Variants in DQX1 observed in about 807,000 individuals in gnomAD.
DQX1 encodes the protein ATP-dependent RNA helicase homolog DQX1.
A neutral mutation model predicts 81.3 loss-of-function variants in DQX1; 66 were observed. That is an observed-to-expected ratio of 0.81 (90% CI 0.67 to 1.00). The LOEUF (loss-of-function observed/expected upper bound fraction) is 1.00. DQX1 is among the 50% of genes least tolerant of loss of function. The pLI is 0.00. For missense variants in DQX1, 798 were observed against 867.9 expected, an observed-to-expected ratio of 0.92 and a Z score of 1.01; for synonymous variants, 290 against 350.0, an observed-to-expected ratio of 0.83 and a Z score of 1.91.
At chr2:74,524,624 C>A (rs1675124209) in intron 3 of DQX1, among the ~76,000 whole-genome samples, 1 of 152,092 alleles carries the variant, frequency 6.6e-6, no homozygotes, top group Non-Finnish European at 1.5e-5. Context: ...TGGGGCCAGG[C>A]ACGGTGGCTC....
chr2:74,523,394 A>G lies in DQX1; in HGVS notation c.960T>C (p.Val320=). The G allele has an allele frequency of 6.2e-7, 1 of 1,614,154 alleles. No individual in the cohort carries two copies. Among genetic ancestry groups the G allele is most frequent in the Non-Finnish European group, 8.5e-7 (1 of 1,180,008 alleles). The change falls in exon 5 of 12, where the codon GTT becomes GTC. Residue 320 remains valine (V), a synonymous_variant. Transcript: ENST00000404568. ...AGTCAGCCAGCCAGTGAGTGACCAC[A>G]ACCTTTCGGGCATCCATGTCCTCAT... ...AVYEDMDARK[V]VVTHWLADFS...
chr2:74,525,969 T>C lies in DQX1; in HGVS notation c.-20+167A>G, dbSNP rs1042512214. On this transcript the variant is annotated intron_variant, in intron 1 of 11. Coordinates refer to ENST00000404568, the MANE Select transcript of DQX1 (RefSeq NM_133637.3). This position sits in a 1 kb window ranked among gnomAD's most constrained non-coding sequence, Gnocchi z 4.1. ...GGTAGTAGAAATCTACCTGAGACTA[T>C]TACCCCGTTGGCAGGTAGTAGAAAT... Among the ~76,000 whole-genome samples the C allele has an allele frequency of 6.6e-6, 1 of 152,206 alleles. No homozygotes were observed. The highest frequency in any genetic ancestry group is 6.5e-5 in the Admixed American group (1 of 15,282).
In DQX1 at chr2:74,523,122, G is replaced by A. The variant is rs1342151830; in HGVS notation, c.1141C>T (p.Pro381Ser). The A allele has an allele frequency of 1.2e-6, 2 of 1,614,180 alleles. No individual in the cohort carries two copies. The highest frequency in any genetic ancestry group is 1.3e-5 in the African/African-American group (1 of 75,020). ...CAGTGAGGGCAAAGGCTCTTACCTGGTGGGAACCCTCTTGCTCGCAATCGT... is the reference window on the plus strand; with the variant it reads ...CAGTGAGGGCAAAGGCTCTTACCTGATGGGAACCCTCTTGCTCGCAATCGT... ...ARRLRARGFPPGSCLCLYPKS... is the reference protein window; with the variant it reads ...ARRLRARGFPSGSCLCLYPKS... The change falls in exon 6 of 12, where the codon CCA becomes TCA. Residue 381 changes from proline (P) to serine (S), a missense_variant. By Grantham distance (74) the Pro-to-Ser change is moderately conservative. Transcript: ENST00000404568.
intron 8 of DQX1, 132 bp from the exon 9 acceptor site, chr2:74,520,166 G>C: frequency 1.7e-6 from 2 of 1,189,574 alleles, no homozygotes; most frequent in Non-Finnish European, 2.3e-6. Context: ...TAACTTCTAG[G>C]TGCTATGCAC....
At position 74,519,421 on chromosome 2, in the gene DQX1, A is replaced by T. The variant is rs753826005; in HGVS notation, c.1806+135T>A. On this transcript the variant is annotated intron_variant, in intron 10 of 11. Transcript: ENST00000404568. ...TAGCCCCTTGTACCTCAAATCCTCA[A>T]GGGAAAAGTCCTTTCTGGTTCTAAA... 11 of 1,369,522 alleles carry T rather than the reference A, an allele frequency of 8.0e-6. No homozygotes were observed. The South Asian group carries it at 9.8e-5, about 12-fold the overall frequency. The allele number at this position is 1,369,522 out of a possible 1,614,324, so 84.8% of individuals were successfully genotyped here.
At position 74,518,363 on chromosome 2, in the gene DQX1, ATCTG is replaced by A; in HGVS notation, c.*79_*82del. The A allele has an allele frequency of 2.0e-6, 3 of 1,528,482 alleles. No homozygotes were observed. The highest frequency in any genetic ancestry group is 2.7e-6 in the Non-Finnish European group (3 of 1,130,690). 94.7% of individuals were successfully genotyped at this position (1,528,482 alleles called of 1,614,324 possible). On this transcript the variant is annotated 3_prime_UTR_variant, in exon 12 of 12. Coordinates refer to ENST00000404568, the MANE Select transcript of DQX1 (RefSeq NM_133637.3). Reference sequence around the variant, plus strand: ...TTGACCCTAAACTTTGGGCTTCTAAATCTGTCTGGGTGCTTTGGTGTCACCCTGA... The same window carrying A: ...TTGACCCTAAACTTTGGGCTTCTAAATCTGGGTGCTTTGGTGTCACCCTGA...
At position 74,522,618 on chromosome 2, in the gene DQX1, C is replaced by A. The variant is rs775119134; in HGVS notation, c.1457G>T (p.Cys486Phe). The change falls in exon 8 of 12, where the codon TGT (cysteine) becomes TTT (phenylalanine). Residue 486 changes from cysteine (C) to phenylalanine (F), a missense_variant. Physicochemically the swap from Cys to Phe is radical, Grantham distance 205 (BLOSUM62 -2). Coordinates refer to ENST00000404568, the MANE Select transcript of DQX1 (RefSeq NM_133637.3). ...KALLASCEFD[C>F]VDEMLTLAAM... ...AGCCAGGGTGAGCATCTCGTCCACA[C>A]AGTCAAACTCGCATGAGGCCAGCAG... 2 of 1,614,128 alleles carry A rather than the reference C, an allele frequency of 1.2e-6. No individual in the cohort carries two copies. The highest frequency in any genetic ancestry group is 4.5e-5 in the East Asian group (2 of 44,890).
Position 74,525,772 on chromosome 2 carries a change from A to G in DQX1, c.-19-24T>C, listed in dbSNP as rs370057948. On this transcript the variant is annotated intron_variant, in intron 1 of 11. Coordinates refer to ENST00000404568, the MANE Select transcript of DQX1 (RefSeq NM_133637.3). This position sits in a 1 kb window ranked among gnomAD's most constrained non-coding sequence, Gnocchi z 4.1. ...ACCTGCAGAAGGCAGAGCAGCCAGT[A>G]AGGTCATATTTGGTGACCGACACCA... 4.0e-6 allele frequency: 6 copies of G among 1,516,320 alleles called. No individual in the cohort carries two copies. Among genetic ancestry groups the G allele is most frequent in the African/African-American group, 2.8e-5 (2 of 72,264 alleles). 93.9% of individuals were successfully genotyped at this position (1,516,320 alleles called of 1,614,324 possible). A position where few individuals can be genotyped will look rare whatever the true frequency, so the allele number is the denominator to read the frequency against.
In DQX1 at chr2:74,518,407, T is replaced by G. The variant is rs772070802; in HGVS notation, c.*39A>C. On this transcript the variant is annotated 3_prime_UTR_variant, in exon 12 of 12. Coordinates refer to ENST00000404568, the MANE Select transcript of DQX1 (RefSeq NM_133637.3). The stretch of plus-strand genomic sequence containing the variant: ...TGTCACCCTGAGGGATAATCTAATG[T>G]GATGAGATGAACCCAGCTCCATTCC... 1 of 1,607,792 alleles carries G rather than the reference T, an allele frequency of 6.2e-7. No homozygotes were observed.
chr2:74,522,794 A>G (rs550290623), intron 7 of DQX1, 23 bp from the exon 8 acceptor site: 24 of 1,613,264 alleles, frequency 1.5e-5, no homozygotes, highest in African/African-American at 1.5e-4. Flanking sequence ...CAGGGCTTAC[A>G]GGATATGAAG....
intron 11 of DQX1, 66 bp downstream of exon 11, chr2:74,518,973 TC>T: frequency 7.0e-7 from 1 of 1,422,570 alleles, no homozygotes; most frequent in East Asian, 2.3e-5. Context: ...TCTCTCTAAC[TC>T]CCCAGCCATA....
rs369867462 is a variant in DQX1 at position 74,524,229 on chromosome 2, A to C, written c.510T>G (p.Asp170Glu). 12 of 1,613,974 alleles carry C rather than the reference A, an allele frequency of 7.4e-6. No homozygotes were observed. The highest frequency in any genetic ancestry group is 1.0e-5 in the Non-Finnish European group (12 of 1,179,980). ...ATGCCACCGACCGCTCCTGAGCCTCATCTAGTACCAGCACGCCCCAGGCTC... is the reference window on the plus strand; with the variant it reads ...ATGCCACCGACCGCTCCTGAGCCTCCTCTAGTACCAGCACGCCCCAGGCTC... Reference protein sequence around the residue: ...GTGAWGVLVLDEAQERSVASD... With the variant: ...GTGAWGVLVLEEAQERSVASD... The change falls in exon 4 of 12, where the codon GAT becomes GAG. Residue 170 changes from aspartate (D) to glutamate (E), a missense_variant. Transcript: ENST00000404568.
rs76949929 is a variant in DQX1 at position 74,522,427 on chromosome 2, A to G, written c.1495+153T>C. Among the ~76,000 whole-genome samples the G allele has an allele frequency of 4.9e-3, 747 of 152,308 alleles. 6 individuals carry two copies. The highest frequency in any genetic ancestry group is 0.01 in the Middle Eastern group (3 of 294). On this transcript the variant is annotated intron_variant, in intron 8 of 11. Coordinates refer to ENST00000404568, the MANE Select transcript of DQX1 (RefSeq NM_133637.3). ...GCAGAGAAAAAAGGCTAAAGAGACA[A>G]GAGGGAGATGGGTGACTAAGCCTGG... is the stretch of plus-strand genomic sequence containing the variant.
chr2:74,519,981 G>A lies in DQX1; in HGVS notation c.1549C>T (p.Arg517Trp), dbSNP rs757198790. ...PLSAEEAALR[R>W]ALEHTDGDHS... ...TCACCATCCGTGTGTTCCAGGGCCCGACGCAGGGCAGCTTCTTCTGCACTG... is the reference window on the plus strand; with the variant it reads ...TCACCATCCGTGTGTTCCAGGGCCCAACGCAGGGCAGCTTCTTCTGCACTG... Residue 517 changes from arginine (R) to tryptophan (W), a missense_variant, in exon 9 of 12, where the codon CGG becomes TGG. Physicochemically the swap from Arg to Trp is moderately radical, Grantham distance 101. Coordinates refer to ENST00000404568, the MANE Select transcript of DQX1 (RefSeq NM_133637.3). 4 of 1,614,190 alleles carry A rather than the reference G, an allele frequency of 2.5e-6. No individual in the cohort carries two copies. The South Asian group carries it at 3.3e-5, about 13-fold the overall frequency.
intron 8 of DQX1, among the ~76,000 whole-genome samples, 195 bp from the exon 9 acceptor site, chr2:74,520,229 G>A (rs894501331): frequency 3.9e-5 from 6 of 152,222 alleles, no homozygotes; most frequent in African/African-American, 1.4e-4. Flanking sequence ...CCATCAAGGA[G>A]CTTCAAGTCT....
chr2:74,519,487 G>C, intron 10 of DQX1, 69 bp downstream of exon 10: 3 of 1,560,406 alleles, frequency 1.9e-6, no homozygotes, highest in Non-Finnish European at 2.6e-6. Flanking sequence ...TTTCAAAGTG[G>C]CTTACCAATA....
At position 74,525,006 on chromosome 2, in the gene DQX1, C is replaced by T; in HGVS notation, c.431+3G>A. The T allele has an allele frequency of 6.2e-7, 1 of 1,612,224 alleles. No individual in the cohort carries two copies. Among genetic ancestry groups the T allele is most frequent in the Non-Finnish European group, 8.5e-7 (1 of 1,178,804 alleles). On this transcript the variant is annotated splice_donor_region_variant and intron_variant, in intron 3 of 11. Transcript: ENST00000404568. The surrounding 1 kb of genome is among the most constrained non-coding windows in gnomAD (Gnocchi z 4.1). ...TTCGGGTAAGGCCTGCAGAGGCCCC[C>T]ACCTGAGCAGGGTGTTGGGCCCCGT...
Position 74,522,894 on chromosome 2 carries a change from A to G in DQX1, c.1265T>C (p.Ile422Thr), listed in dbSNP as rs1326837512. 7 of 1,614,134 alleles carry G rather than the reference A, an allele frequency of 4.3e-6. No individual in the cohort carries two copies. The highest frequency in any genetic ancestry group is 1.3e-5 in the African/African-American group (1 of 75,038). Reference sequence around the variant, plus strand: ...GAAGTGACACTCCCCTGGCTCTGCAATCTGTCTCCTTTTTAGTAGTAACAC... The same window carrying G: ...GAAGTGACACTCCCCTGGCTCTGCAGTCTGTCTCCTTTTTAGTAGTAACAC... Reference protein sequence around the residue: ...SLVLLLKRRQIAEPGECHFLD... With the variant: ...SLVLLLKRRQTAEPGECHFLD... The change falls in exon 7 of 12, where the codon ATT becomes ACT. Residue 422 changes from isoleucine to threonine, a missense_variant. Physicochemically the swap from Ile to Thr is moderately conservative, Grantham distance 89. Coordinates refer to ENST00000404568, the MANE Select transcript of DQX1 (RefSeq NM_133637.3).
In DQX1 at chr2:74,525,475, C is replaced by A. The variant is rs752207668; in HGVS notation, c.237+18G>T. 71 of 1,550,502 alleles carry A rather than the reference C, an allele frequency of 4.6e-5. No individual in the cohort carries two copies. Among genetic ancestry groups the A allele is most frequent in the Non-Finnish European group, 6.0e-5 (69 of 1,146,278 alleles). ...GTCCACTCCCAGAATCTGCCTGCCC[C>A]CACAACCCCCACCACACCTGGGTGC... On this transcript the variant is annotated intron_variant, in intron 2 of 11. Transcript: ENST00000404568. The surrounding 1 kb of genome is among the most constrained non-coding windows in gnomAD (Gnocchi z 4.1).
Sources: allele counts gnomAD v4.1 joint callset (sites outside exome capture counted in the v4.1 genomes callset), GRCh38; gene constraint gnomAD v4.1.1; non-coding constraint Gnocchi (gnomAD v3.1); transcripts MANE v1.5; gene names NCBI Gene and HGNC (gene_info 2026-07-23, HGNC 2026-07-21).